The following MEIOB variants were observed in gnomAD, a reference collection of about 807,000 sequenced individuals.
The protein encoded by MEIOB is meiosis specific with OB-fold.
A neutral mutation model predicts 53.1 loss-of-function variants in MEIOB; 50 were observed. The observed-to-expected ratio is 0.94, with a 90% CI of 0.75 to 1.19. The LOEUF (loss-of-function observed/expected upper bound fraction) is 1.19. MEIOB is among the 50% of genes most tolerant of loss of function. The pLI is 0.00. For synonymous variants in MEIOB, 192 were observed against 182.5 expected (o/e 1.05, Z -0.42); for missense variants, 551 against 550.8 (o/e 1.00, Z 0.00).
chr16:1,835,375 T>C (rs1369601579), intron 13 of MEIOB, among the ~76,000 whole-genome samples: 2 of 152,186 alleles, frequency 1.3e-5, no homozygotes, highest in Admixed American at 6.5e-5. Context: ...TACAGGAATA[T>C]GATGACATAA....
At chr16:1,848,550 T>TTC in intron 9 of MEIOB, among the ~76,000 whole-genome samples, 1 of 148,486 alleles carries the variant, frequency 6.7e-6, no homozygotes, top group Non-Finnish European at 1.5e-5. Flanking sequence ...TTTCCTTTTT[T>TTC]TTTTTTTTTG....
At chr16:1,857,551 T>A (rs1742433) in intron 6 of MEIOB, among the ~76,000 whole-genome samples, 184 bp downstream of exon 6, 1 of 152,204 alleles carries the variant, frequency 6.6e-6, no homozygotes, top group Admixed American at 6.5e-5. Context: ...TTACTACTCA[T>A]CCACAGATAA....
rs541264555 is a variant in MEIOB, at chr16:1,853,227, C to T, written c.674G>A (p.Arg225Gln). The T allele has an allele frequency of 5.2e-6, 8 of 1,552,352 alleles. No homozygotes were observed. Among genetic ancestry groups the T allele is most frequent in the African/African-American group, 1.4e-5 (1 of 73,184 alleles). Residue 225 changes from arginine to glutamine, a missense_variant, in exon 8 of 14, where the codon CGA becomes CAA. By Grantham distance (43) the Arg-to-Gln change is conservative. Transcript: ENST00000325962. ...SILLAQSWMP[R>Q]ETVIFASDVR... ...TCATTGAATGATAATACCTGTTTCTCGTGGCATCCAGCTCTGTGCAAGTAG... is the reference window on the plus strand; with the variant it reads ...TCATTGAATGATAATACCTGTTTCTTGTGGCATCCAGCTCTGTGCAAGTAG...
rs1204352055 is a variant in MEIOB, at chr16:1,872,123, C to G, written c.-140G>C. On this transcript the variant is annotated 5_prime_UTR_variant, in exon 1 of 14. Transcript: ENST00000325962. ...CCACAGGACGCTCGGGCCACAGCCT[C>G]GTGCAGGTGCGACGGCCGCGCGACC... 1 of 151,912 alleles carries G rather than the reference C, an allele frequency of 6.6e-6. No homozygotes were observed. The highest frequency in any genetic ancestry group is 1.5e-5 in the Non-Finnish European group (1 of 68,006). The allele number at this position is 151,912 out of a possible 1,614,324, so 9.4% of individuals were successfully genotyped here. A position where few individuals can be genotyped will look rare whatever the true frequency, so the allele number is the denominator to read the frequency against.
At chr16:1,864,575 G>C (rs969869040) in intron 3 of MEIOB, among the ~76,000 whole-genome samples, 1 of 148,430 alleles carries the variant, frequency 6.7e-6, no homozygotes, top group Non-Finnish European at 1.5e-5. Context: ...TGCAACCTGC[G>C]CCTCCCAGGT....
chr16:1,841,786 A>G, intron 11 of MEIOB, 34 bp downstream of exon 11: 1 of 1,442,306 alleles, frequency 6.9e-7, no homozygotes, highest in Non-Finnish European at 9.2e-7. Flanking sequence ...TTTCTTACAA[A>G]AATGAATTTG....
intron 2 of MEIOB, among the ~76,000 whole-genome samples, chr16:1,866,733 T>TA (rs1567282384): frequency 0.047 from 11 of 236 alleles, 1 homozygote; most frequent in Admixed American, 0.13. Flanking sequence ...AAAATAAAAA[T>TA]AAAAAAAAAA....
intron 3 of MEIOB, 77 bp from the exon 4 acceptor site, chr16:1,862,193 G>T (rs1456217372): frequency 8.4e-7 from 1 of 1,186,098 alleles, no homozygotes; most frequent in Non-Finnish European, 1.2e-6. Flanking sequence ...AGTGTTACAT[G>T]AAAAGTTTCA....
chr16:1,841,489 T>C (rs72762875), intron 11 of MEIOB, among the ~76,000 whole-genome samples: 27,070 of 151,670 alleles, frequency 0.18, 2,563 homozygotes, highest in South Asian at 0.27. Context: ...TTGAAAATAA[T>C]TTTTTTTTAA....
chr16:1,863,407 A>T (rs1288326158), intron 3 of MEIOB, among the ~76,000 whole-genome samples: 4 of 147,658 alleles, frequency 2.7e-5, no homozygotes, highest in Non-Finnish European at 6.0e-5. Context: ...TGTTTTTGAG[A>T]CGGAGTTTCG....
At chr16:1,848,403 CTA>C (rs1899074808) in intron 9 of MEIOB, among the ~76,000 whole-genome samples, 1 of 152,142 alleles carries the variant, frequency 6.6e-6, no homozygotes, top group Non-Finnish European at 1.5e-5. Flanking sequence ...TCTCCTAGAA[CTA>C]TGTTACAGAA....
intron 12 of MEIOB, 127 bp from the exon 13 acceptor site, chr16:1,837,997 C>A: frequency 6.9e-7 from 1 of 1,443,514 alleles, no homozygotes; most frequent in South Asian, 1.5e-5. Context: ...ACAGCTCAAT[C>A]GTTTGTTTTT....
chr16:1,834,507 C>A, intron 13 of MEIOB, 141 bp from the exon 14 acceptor site: 1 of 537,168 alleles, frequency 1.9e-6, no homozygotes, highest in Non-Finnish European at 3.3e-6. Flanking sequence ...TCCATTAGAG[C>A]TGTAAGATGA....
At chr16:1,862,684 C>A (rs1657127) in intron 3 of MEIOB, among the ~76,000 whole-genome samples, 1 of 151,792 alleles carries the variant, frequency 6.6e-6, no homozygotes, top group Admixed American at 6.6e-5. Flanking sequence ...ACTTTGGGAG[C>A]CCGAGGCGGG....
intron 5 of MEIOB, among the ~76,000 whole-genome samples, chr16:1,860,087 T>C (rs1306753179): frequency 6.6e-6 from 1 of 152,240 alleles, no homozygotes; most frequent in Admixed American, 6.5e-5. Flanking sequence ...AGTAGAAGGA[T>C]ACCTTGACAT....
At chr16:1,867,643 T>C (rs1325443852) in intron 2 of MEIOB, among the ~76,000 whole-genome samples, 1 of 151,956 alleles carries the variant, frequency 6.6e-6, no homozygotes, top group African/African-American at 2.4e-5. Context: ...CAGCTAATTT[T>C]GTATTTTTAG....
intron 9 of MEIOB, among the ~76,000 whole-genome samples, chr16:1,846,774 G>T (rs561675342): frequency 8.1e-4 from 124 of 152,218 alleles, no homozygotes; most frequent in African/African-American, 2.7e-3. Flanking sequence ...CACAGGGAGG[G>T]GAACAACACA....
At chr16:1,871,249 T>G (rs941632116) in intron 1 of MEIOB, among the ~76,000 whole-genome samples, 2 of 151,182 alleles carry the variant, frequency 1.3e-5, no homozygotes, top group Non-Finnish European at 2.9e-5. Flanking sequence ...AGACAGAGTC[T>G]TGCTCTGTCG....
chr16:1,842,198 C>T (rs924280222), intron 10 of MEIOB, among the ~76,000 whole-genome samples: 2 of 151,924 alleles, frequency 1.3e-5, no homozygotes, highest in African/African-American at 4.8e-5. Flanking sequence ...AATTTCTGTT[C>T]ATCAAAAGAC....
Sources: allele counts gnomAD v4.1 joint callset (sites outside exome capture counted in the v4.1 genomes callset), GRCh38; gene constraint gnomAD v4.1.1; transcripts MANE v1.5; gene names NCBI Gene and HGNC (gene_info 2026-07-23, HGNC 2026-07-21).